Variants in FHIT observed in about 807,000 individuals in gnomAD.
FHIT encodes fragile histidine triad diadenosine triphosphatase.
A neutral mutation model predicts 17.9 loss-of-function variants in FHIT; 19 were observed. The ratio of observed to expected loss-of-function variants is 1.06; its 90% CI spans 0.74 to 1.56. The LOEUF is 1.56. Ranked by LOEUF, FHIT falls within the 40% of genes most tolerant of loss-of-function variation. The pLI is 0.00. For synonymous variants in FHIT, 81 were observed against 69.7 expected (o/e 1.16, Z -0.81); for missense variants, 248 against 189.2 (o/e 1.31, Z -1.82).
At chr3:60,203,094 A>G (rs746868270) in intron 5 of FHIT, among the ~76,000 whole-genome samples, 10 of 152,186 alleles carry the variant, frequency 6.6e-5, no homozygotes, top group Non-Finnish European at 1.5e-4. Context: ...GATTGTACCA[A>G]TGTTAATTTT....
intron 1 of FHIT, among the ~76,000 whole-genome samples, chr3:61,248,137 A>T (rs1243299020): frequency 6.6e-6 from 1 of 152,218 alleles, no homozygotes; most frequent in Admixed American, 6.5e-5. Flanking sequence ...AACCTCCTAC[A>T]TCTTATATTT....
rs547190480 is a variant in FHIT, at chr3:60,779,589, A to G, written c.-18+42330T>C. ...CAGTTATCTGGGTGTGTCACAAGAC[A>G]TCCTTTTCTCTCTCTTGTTGGAGGA... On this transcript the variant is annotated intron_variant, in intron 4 of 9. Coordinates refer to ENST00000492590, the MANE Select transcript of FHIT (RefSeq NM_002012.4). 2.0e-5 allele frequency among the ~76,000 whole-genome samples: 3 copies of G among 152,306 alleles called. No individual in the cohort carries two copies. In the South Asian group the frequency reaches 6.2e-4, roughly 32 times the overall value.
intron 3 of FHIT, among the ~76,000 whole-genome samples, chr3:60,889,075 A>G (rs9755687): frequency 0.28 from 41,908 of 151,896 alleles, 7,003 homozygotes; most frequent in African/African-American, 0.46. Flanking sequence ...ACTCCACCCC[A>G]ACTCATTCCG....
At chr3:60,590,811 C>G (rs781806585) in intron 4 of FHIT, among the ~76,000 whole-genome samples, 2 of 152,072 alleles carry the variant, frequency 1.3e-5, no homozygotes, top group African/African-American at 2.4e-5. Flanking sequence ...GCCAACTGAA[C>G]TGATGACTTA....
At chr3:60,512,672 G>A (rs892281014) in intron 5 of FHIT, among the ~76,000 whole-genome samples, 1 of 152,196 alleles carries the variant, frequency 6.6e-6, no homozygotes, top group African/African-American at 2.4e-5. Context: ...AGCCTGACAG[G>A]ATGTACTGAT....
chr3:60,112,353 ACT>A (rs1704712849), intron 5 of FHIT, among the ~76,000 whole-genome samples: 1 of 152,046 alleles, frequency 6.6e-6, no homozygotes, highest in Admixed American at 6.6e-5. Context: ...ATTACAACTG[ACT>A]CTACTAATGC....
At chr3:61,060,661 G>A (rs1286732794) in intron 2 of FHIT, among the ~76,000 whole-genome samples, 1 of 152,240 alleles carries the variant, frequency 6.6e-6, no homozygotes, top group African/African-American at 2.4e-5. Context: ...GCCCAAATGT[G>A]TGACTAATGA....
At chr3:60,502,672 A>G (rs2034570618) in intron 5 of FHIT, among the ~76,000 whole-genome samples, 1 of 152,204 alleles carries the variant, frequency 6.6e-6, no homozygotes, top group African/African-American at 2.4e-5. Context: ...AGCACTCAAT[A>G]GAACAGACAG....
intron 5 of FHIT, among the ~76,000 whole-genome samples, chr3:60,180,038 A>G (rs977175084): frequency 6.6e-6 from 1 of 152,162 alleles, no homozygotes; most frequent in Non-Finnish European, 1.5e-5. Context: ...AATATGGCCA[A>G]TGGAAATTAC....
chr3:60,086,113 C>T (rs752540022), intron 5 of FHIT, among the ~76,000 whole-genome samples: 1 of 152,126 alleles, frequency 6.6e-6, no homozygotes, highest in Non-Finnish European at 1.5e-5. Flanking sequence ...ATTGTATGCA[C>T]AAATCACATG....
At chr3:60,873,058 G>T (rs1704479807) in intron 3 of FHIT, among the ~76,000 whole-genome samples, 1 of 152,054 alleles carries the variant, frequency 6.6e-6, no homozygotes, top group Admixed American at 6.6e-5. Context: ...AAAACTTGTA[G>T]GGTAGCATGC....
chr3:60,247,903 T>C (rs1457692401), intron 5 of FHIT, among the ~76,000 whole-genome samples: 1 of 152,182 alleles, frequency 6.6e-6, no homozygotes, highest in Non-Finnish European at 1.5e-5. Flanking sequence ...CTTTTTGTTA[T>C]GACTAACTAC....
At chr3:60,952,916 T>G (rs1708951779) in intron 3 of FHIT, among the ~76,000 whole-genome samples, 1 of 152,222 alleles carries the variant, frequency 6.6e-6, no homozygotes, top group African/African-American at 2.4e-5. Flanking sequence ...GAGTCTTCAT[T>G]TCCTTATGAG....
chr3:60,877,446 A>C (rs782784296), intron 3 of FHIT, among the ~76,000 whole-genome samples: 5 of 152,170 alleles, frequency 3.3e-5, no homozygotes, highest in Non-Finnish European at 7.4e-5. Context: ...CTGGGGAAAC[A>C]GTGCTTTGGC....
chr3:59,927,888 C>T (rs1171746353), intron 7 of FHIT, among the ~76,000 whole-genome samples: 3 of 152,230 alleles, frequency 2.0e-5, no homozygotes, highest in East Asian at 1.9e-4. Flanking sequence ...GCCTCTTCTG[C>T]GCTGTCTCTG....
At chr3:61,036,317 C>A (rs80264340) in intron 3 of FHIT, among the ~76,000 whole-genome samples, 9,968 of 150,900 alleles carry the variant, frequency 0.066, 346 homozygotes, top group East Asian at 0.12. Flanking sequence ...AGGGATCAGC[C>A]CCCCCTGATC....
At chr3:59,811,632 G>A (rs1301495353) in intron 8 of FHIT, among the ~76,000 whole-genome samples, 1 of 152,130 alleles carries the variant, frequency 6.6e-6, no homozygotes. Flanking sequence ...TGATTTACTG[G>A]ACTCCTTATA....
At chr3:59,800,133 C>T (rs373861746) in intron 8 of FHIT, among the ~76,000 whole-genome samples, 104 of 152,286 alleles carry the variant, frequency 6.8e-4, no homozygotes, top group African/African-American at 2.3e-3. Flanking sequence ...TGTGCTTGCT[C>T]GGTATTATTT....
intron 3 of FHIT, among the ~76,000 whole-genome samples, chr3:60,955,633 T>TATATATATATATATATAC (rs1272864632): frequency 4.3e-4 from 17 of 39,532 alleles, no homozygotes; most frequent in African/African-American, 1.4e-3. Flanking sequence ...TATATATATA[T>TATATATATATATATATAC]ACACACACAC....
Sources: allele counts gnomAD v4.1 joint callset (sites outside exome capture counted in the v4.1 genomes callset), GRCh38; gene constraint gnomAD v4.1.1; transcripts MANE v1.5; gene names NCBI Gene and HGNC (gene_info 2026-07-23, HGNC 2026-07-21).